ATP10A: variants seen among roughly 807,000 people sequenced by gnomAD.
ATP10A encodes phospholipid-transporting ATPase VA.
Under a neutral mutation model 147.8 loss-of-function variants are expected in ATP10A, and 111 were observed. That is an observed-to-expected ratio of 0.75 (90% CI 0.64 to 0.88). The LOEUF (loss-of-function observed/expected upper bound fraction) is 0.88, where lower values mean the gene tolerates loss of function less well. Ranked by LOEUF, ATP10A falls within the 40% of genes least tolerant of loss-of-function variation. ATP10A has a pLI of 0.00. For missense variants in ATP10A, 1,927 were observed against 1,959.0 expected, an observed-to-expected ratio of 0.98 and a Z score of 0.31; for synonymous variants, 875 against 841.6, an observed-to-expected ratio of 1.04 and a Z score of -0.69.
intron 1 of ATP10A, among the ~76,000 whole-genome samples, chr15:25,810,121 A>G (rs1891364541): frequency 6.6e-6 from 1 of 152,088 alleles, no homozygotes; most frequent in Admixed American, 6.5e-5. Flanking sequence ...TCACTTCCTG[A>G]TCACTCCCAG....
rs529272889 is a variant in ATP10A at position 25,838,872 on chromosome 15, C to T, written c.449+23776G>A. The stretch of plus-strand genomic sequence containing the variant: ...AGCAGTGTGTTTGCAGAAGCATTTC[C>T]TATTGAGAGCTTCCTTGTCTTCCCA... On this transcript the variant is annotated intron_variant, in intron 1 of 20. Coordinates refer to ENST00000555815, the MANE Select transcript of ATP10A (RefSeq NM_024490.4). Among the ~76,000 whole-genome samples, 8 of 152,266 alleles carry T rather than the reference C, an allele frequency of 5.3e-5. No homozygotes were observed. The East Asian group carries it at 1.5e-3, about 29-fold the overall frequency.
chr15:25,862,496 C>A (rs1314481429), intron 1 of ATP10A, 152 bp downstream of exon 1: 12 of 999,496 alleles, frequency 1.2e-5, no homozygotes, highest in Non-Finnish European at 1.4e-5. Context: ...TGGCTTCGGT[C>A]GGCACCGGGT....
intron 1 of ATP10A, among the ~76,000 whole-genome samples, chr15:25,788,512 A>G (rs1890272345): frequency 6.6e-6 from 1 of 152,240 alleles, no homozygotes; most frequent in African/African-American, 2.4e-5. Flanking sequence ...TGTTCAATTA[A>G]GTGAGAGGCC....
chr15:25,687,604 GCCT>G, intron 16 of ATP10A, 96 bp downstream of exon 16: 4 of 777,350 alleles, frequency 5.1e-6, no homozygotes, highest in African/African-American at 1.9e-5. Flanking sequence ...GTTGTCCATG[GCCT>G]CCCATCTGCT....
intron 1 of ATP10A, among the ~76,000 whole-genome samples, chr15:25,825,685 TAAAC>T (rs1892084306): frequency 6.6e-6 from 1 of 151,896 alleles, no homozygotes; most frequent in African/African-American, 2.4e-5. Flanking sequence ...AGTCAATAAA[TAAAC>T]AACAATAGCA....
At chr15:25,830,915 C>T (rs1174466450) in intron 1 of ATP10A, among the ~76,000 whole-genome samples, 1 of 152,224 alleles carries the variant, frequency 6.6e-6, no homozygotes, top group African/African-American at 2.4e-5. Flanking sequence ...ATTCACTGAA[C>T]TATGTTCTCA....
At chr15:25,761,606 A>T (rs1888760362) in intron 2 of ATP10A, among the ~76,000 whole-genome samples, 2 of 152,220 alleles carry the variant, frequency 1.3e-5, no homozygotes. Context: ...TGTGACCTAG[A>T]TGTGAGACAT....
chr15:25,786,905 G>T (rs1388094043), intron 1 of ATP10A, among the ~76,000 whole-genome samples: 2 of 151,690 alleles, frequency 1.3e-5, no homozygotes, highest in Admixed American at 1.3e-4. Flanking sequence ...AAAGTGCTGG[G>T]ATTACAGGTG....
chr15:25,713,891 G>A lies in ATP10A; in HGVS notation c.2127C>T (p.Ala709=), dbSNP rs1901596606. The stretch of plus-strand genomic sequence containing the variant: ...GCCGCTCCACAAGCACGCAGTTGTA[G>A]GCTCTGGCCGCATACACCAGTGCGG... ...DEAALVYAAR[A]YNCVLVERLH... The change falls in exon 10 of 21, where the codon GCC becomes GCT. Residue 709 remains alanine, a synonymous_variant. Coordinates refer to ENST00000555815, the MANE Select transcript of ATP10A (RefSeq NM_024490.4). 3.7e-6 allele frequency: 6 copies of A among 1,613,616 alleles called. No individual in the cohort carries two copies. The highest frequency in any genetic ancestry group is 5.1e-6 in the Non-Finnish European group (6 of 1,180,048).
intron 14 of ATP10A, among the ~76,000 whole-genome samples, chr15:25,692,737 A>G (rs1416751614): frequency 6.6e-6 from 1 of 152,206 alleles, no homozygotes; most frequent in Admixed American, 6.5e-5. Context: ...GATGCTCTCT[A>G]CATTATAAAC....
At chr15:25,815,373 T>C (rs1485105744) in intron 1 of ATP10A, among the ~76,000 whole-genome samples, 7 of 152,178 alleles carry the variant, frequency 4.6e-5, no homozygotes, top group African/African-American at 1.4e-4. Flanking sequence ...TCATTTTATA[T>C]GTGCACAGAC....
downstream of ATP10A, chr15:25,677,317 C>G (rs1231130074): frequency 6.6e-6 from 1 of 152,122 alleles, no homozygotes; most frequent in Non-Finnish European, 1.5e-5. Flanking sequence ...ATAATACTCC[C>G]CATCCTAAAG....
At chr15:25,718,446 C>A (rs752243709) in intron 7 of ATP10A, 47 bp from the exon 8 acceptor site, 3 of 1,534,118 alleles carry the variant, frequency 2.0e-6, no homozygotes, top group Non-Finnish European at 2.6e-6. Flanking sequence ...GAAGGCTGGG[C>A]GGAGCAGAAA....
At chr15:25,753,175 A>G (rs1206616766) in intron 2 of ATP10A, among the ~76,000 whole-genome samples, 2 of 152,140 alleles carry the variant, frequency 1.3e-5, no homozygotes, top group Non-Finnish European at 2.9e-5. Flanking sequence ...ACTGTACAAC[A>G]GAACTCAAAA....
At chr15:25,810,875 G>A (rs891697445) in intron 1 of ATP10A, among the ~76,000 whole-genome samples, 14 of 152,260 alleles carry the variant, frequency 9.2e-5, no homozygotes, top group Admixed American at 8.5e-4. Flanking sequence ...CAGCTAAGAG[G>A]AGGGCAGCCG....
chr15:25,718,226 T>A lies in ATP10A; in HGVS notation c.1537A>T (p.Arg513Trp). The change falls in exon 8 of 21, where the codon AGG (arginine) becomes TGG (tryptophan). Residue 513 changes from arginine (R) to tryptophan (W), a missense_variant. By Grantham distance (101) the Arg-to-Trp change is moderately radical. Coordinates refer to ENST00000555815, the MANE Select transcript of ATP10A (RefSeq NM_024490.4). ...GTGTGCTTGGACAGCATGCTGGCCC[T>A]CTTGGCCTCGGCCCGGCTGCCCGTG... ...RRTGSRAEAK[R>W]ASMLSKHTAF... The A allele has an allele frequency of 1.2e-6, 2 of 1,613,094 alleles. No homozygotes were observed. The highest frequency in any genetic ancestry group is 1.7e-6 in the Non-Finnish European group (2 of 1,180,004).
Position 25,679,445 on chromosome 15 carries a change from G to C in ATP10A, c.4396C>G (p.Gln1466Glu), listed in dbSNP as rs759623982. 2 of 1,614,056 alleles carry C rather than the reference G, an allele frequency of 1.2e-6. No individual in the cohort carries two copies. Among genetic ancestry groups the C allele is most frequent in the East Asian group, 2.2e-5 (1 of 44,870 alleles). ...TGGACAGGAAGTCCACGTCCCGCTT[G>C]TCCATCTGCAAGCTGCTCCGTCCGG... The part of the protein sequence containing the change: ...FSRTEQLADG[Q>E]AGRGLPVQPH... Residue 1466 changes from glutamine (Q) to glutamate (E), a missense_variant, in exon 21 of 21, where the codon CAA becomes GAA. Gln to Glu is a conservative substitution (Grantham distance 29). Coordinates refer to ENST00000555815, the MANE Select transcript of ATP10A (RefSeq NM_024490.4).
At chr15:25,759,892 T>C (rs946890119) in intron 2 of ATP10A, among the ~76,000 whole-genome samples, 1 of 152,208 alleles carries the variant, frequency 6.6e-6, no homozygotes, top group East Asian at 1.9e-4. Flanking sequence ...GATAATTTCT[T>C]GTGCTTTGTA....
At chr15:25,844,708 G>T (rs1190988894) in intron 1 of ATP10A, among the ~76,000 whole-genome samples, 1 of 152,098 alleles carries the variant, frequency 6.6e-6, no homozygotes, top group African/African-American at 2.4e-5. Context: ...GCTGCGGTGG[G>T]CGAGCAGTGA....
Sources: gnomAD v4.1 joint callset for allele counts (sites outside exome capture counted in the v4.1 genomes callset) on GRCh38, gnomAD v4.1.1 for gene constraint, MANE v1.5 for transcripts, NCBI Gene and HGNC (gene_info 2026-07-23, HGNC 2026-07-21) for gene names.